ZNF568: variants seen among roughly 807,000 people sequenced by gnomAD.
The protein encoded by ZNF568 is p53 inhibitor of SCO2 activation.
Under a neutral mutation model 18.1 loss-of-function variants are expected in ZNF568, and 11 were observed. The ratio of observed to expected loss-of-function variants is 0.61; its 90% CI spans 0.38 to 1.00. The LOEUF (loss-of-function observed/expected upper bound fraction) is 1.00. Ranked by LOEUF, ZNF568 falls within the 50% of genes least tolerant of loss-of-function variation. The probability of loss-of-function intolerance (pLI) is 0.01; values close to 1 mark genes in which losing one functional copy is unlikely to be tolerated. For synonymous variants in ZNF568, 213 were observed against 246.6 expected (o/e 0.86, Z 1.28); for missense variants, 639 against 768.2 (o/e 0.83, Z 1.99).
chr19:36,991,306 T>A, intron 3 of ZNF568: 1 of 1,532,124 alleles, frequency 6.5e-7, no homozygotes, highest in Non-Finnish European at 8.7e-7. Context: ...CTGGGTAACT[T>A]TATCTGCCCC....
intron 2 of ZNF568, among the ~76,000 whole-genome samples, chr19:36,990,198 C>T (rs949743238): frequency 1.6e-4 from 24 of 152,046 alleles, no homozygotes; most frequent in Admixed American, 1.2e-3. Context: ...GTAGTATGTG[C>T]GCACCTCGTG....
intron 3 of ZNF568, 50 bp downstream of exon 3, chr19:36,922,896 T>C (rs544335156): frequency 3.2e-6 from 5 of 1,553,878 alleles, no homozygotes; most frequent in Admixed American, 3.5e-5. Flanking sequence ...GGCTCTACAT[T>C]TGGGGACAGT....
intron 4 of ZNF568, among the ~76,000 whole-genome samples, chr19:36,925,544 G>C (rs1005950232): frequency 1.3e-5 from 2 of 152,026 alleles, no homozygotes; most frequent in African/African-American, 2.4e-5. Context: ...CCATTTATGA[G>C]GAAAAACTTA....
In ZNF568 at chr19:36,950,406, A is replaced by C; in HGVS notation, c.1253A>C (p.Tyr418Ser). The C allele has an allele frequency of 6.2e-7, 1 of 1,614,006 alleles. No individual in the cohort carries two copies. The highest frequency in any genetic ancestry group is 8.5e-7 in the Non-Finnish European group (1 of 1,179,974). Residue 418 changes from tyrosine to serine, a missense_variant, in exon 7 of 7, where the codon TAT becomes TCT. Coordinates refer to ENST00000333987, the MANE Select transcript of ZNF568 (RefSeq NM_198539.4). ...AGAAGTCACACTGGTGAGAAACCCTATGTATGTAGTGAATGTGGGAAAGCC... is the reference window on the plus strand; with the variant it reads ...AGAAGTCACACTGGTGAGAAACCCTCTGTATGTAGTGAATGTGGGAAAGCC... ...HMRSHTGEKP[Y>S]VCSECGKAFS...
At chr19:36,990,493 T>A (rs1260745877) in intron 2 of ZNF568, among the ~76,000 whole-genome samples, 1 of 152,182 alleles carries the variant, frequency 6.6e-6, no homozygotes, top group Non-Finnish European at 1.5e-5. Context: ...CCCATGCCTG[T>A]GGTCCCAGCT....
At chr19:36,947,006 T>TTTTGTTTG (rs141590920) in intron 6 of ZNF568, among the ~76,000 whole-genome samples, 108 of 149,498 alleles carry the variant, frequency 7.2e-4, no homozygotes, top group Middle Eastern at 3.5e-3. Context: ...CTAGAAGATT[T>TTTTGTTTG]TTTGTTTGTT....
At chr19:36,959,901 G>A (rs1461229260) in intron 6 of ZNF568, among the ~76,000 whole-genome samples, 1 of 151,884 alleles carries the variant, frequency 6.6e-6, no homozygotes, top group African/African-American at 2.4e-5. Context: ...TTCTTGGTTA[G>A]TCTAGCTAGT....
chr19:36,971,060 T>G (rs2074231790), intron 6 of ZNF568, among the ~76,000 whole-genome samples: 1 of 151,900 alleles, frequency 6.6e-6, no homozygotes, highest in Non-Finnish European at 1.5e-5. Context: ...CTGGCCAACG[T>G]GATGAAACCT....
downstream of ZNF568, among the ~76,000 whole-genome samples, chr19:36,953,178 CTAAT>C (rs1447081570): frequency 6.6e-6 from 1 of 152,156 alleles, no homozygotes; most frequent in Non-Finnish European, 1.5e-5. Flanking sequence ...TCATAGCTAA[CTAAT>C]TACCAATATA....
chr19:36,985,289 A>ATT (rs2074366139), intron 2 of ZNF568, among the ~76,000 whole-genome samples: 1 of 151,486 alleles, frequency 6.6e-6, no homozygotes, highest in Admixed American at 6.6e-5. Context: ...AAGTTTTCTT[A>ATT]TTACATTGCT....
intron 6 of ZNF568, among the ~76,000 whole-genome samples, chr19:36,948,658 ATTT>A (rs4069585): frequency 3.0e-4 from 25 of 83,568 alleles, no homozygotes; most frequent in East Asian, 1.9e-3. Context: ...TTTGTTGTTG[ATTT>A]TTTTTTTTTT....
intron 6 of ZNF568, among the ~76,000 whole-genome samples, chr19:36,947,399 C>T (rs2073985456): frequency 6.6e-6 from 1 of 152,106 alleles, no homozygotes; most frequent in Admixed American, 6.6e-5. Flanking sequence ...TAGGTACATG[C>T]CAGCATTCAT....
chr19:36,974,360 A>G (rs2074263096), intron 6 of ZNF568: 2 of 1,480,016 alleles, frequency 1.4e-6, no homozygotes, highest in Non-Finnish European at 9.1e-7. Context: ...TTGGCCTCCC[A>G]AGGGGTTCAG....
At chr19:36,989,785 A>G (rs555222567) in intron 2 of ZNF568, among the ~76,000 whole-genome samples, 1 of 152,166 alleles carries the variant, frequency 6.6e-6, no homozygotes, top group Admixed American at 6.5e-5. Flanking sequence ...GGCTCAAGCA[A>G]TCCTCCCACC....
downstream of ZNF568, among the ~76,000 whole-genome samples, chr19:36,984,050 C>T (rs890953908): frequency 1.3e-5 from 2 of 151,846 alleles, no homozygotes; most frequent in South Asian, 2.1e-4. Flanking sequence ...AGGTGCATGC[C>T]GCCACGCCTG....
At chr19:36,958,430 C>T (rs2074123053) in intron 6 of ZNF568, among the ~76,000 whole-genome samples, 1 of 151,578 alleles carries the variant, frequency 6.6e-6, no homozygotes, top group South Asian at 2.1e-4. Flanking sequence ...GTTATTGATT[C>T]CATTTATTTA....
chr19:36,937,059 T>G, intron 5 of ZNF568, 88 bp from the exon 6 acceptor site: 2 of 1,429,930 alleles, frequency 1.4e-6, no homozygotes, highest in Non-Finnish European at 1.9e-6. Flanking sequence ...CCTCATCTTT[T>G]ATAAGCCCTC....
chr19:36,950,931 A>G lies in ZNF568; in HGVS notation c.1778A>G (p.Lys593Arg). 1 of 1,613,816 alleles carries G rather than the reference A, an allele frequency of 6.2e-7. No homozygotes were observed. The highest frequency in any genetic ancestry group is 1.7e-5 in the Admixed American group (1 of 59,958). The change falls in exon 7 of 7, where the codon AAA becomes AGA. Residue 593 changes from lysine (K) to arginine (R), a missense_variant. Physicochemically the swap from Lys to Arg is conservative, Grantham distance 26. Transcript: ENST00000333987. ...CCCTATGAATGTAATAAATGTGGGA[A>G]AGCCTTTTCTCAGTGCTCATTACTT... The part of the protein sequence containing the change: ...EKPYECNKCG[K>R]AFSQCSLLII...
chr19:36,942,456 A>C (rs2073896619), intron 6 of ZNF568, among the ~76,000 whole-genome samples: 2 of 151,484 alleles, frequency 1.3e-5, no homozygotes, highest in Admixed American at 1.3e-4. Context: ...AAAACTAGCC[A>C]GGCGTGGTGG....
Sources: gnomAD v4.1 joint callset for allele counts (sites outside exome capture counted in the v4.1 genomes callset) on GRCh38, gnomAD v4.1.1 for gene constraint, MANE v1.5 for transcripts, NCBI Gene and HGNC (gene_info 2026-07-23, HGNC 2026-07-21) for gene names.